The following PWWP2B variants were observed in gnomAD, a reference collection of about 807,000 sequenced individuals.
The protein encoded by PWWP2B is PWWP domain containing 2B.
Under a neutral mutation model 15.5 loss-of-function variants are expected in PWWP2B, and 9 were observed. That is an observed-to-expected ratio of 0.58 (90% CI 0.35 to 1.02). PWWP2B has a LOEUF of 1.02. Among genes scored for constraint, PWWP2B ranks in the 50% least tolerant of loss-of-function variants. The probability of loss-of-function intolerance (pLI) is 0.02; values close to 1 mark genes in which losing one functional copy is unlikely to be tolerated. For synonymous variants in PWWP2B, 474 were observed against 403.6 expected (o/e 1.17, Z -2.09); for missense variants, 864 against 865.3 (o/e 1.00, Z 0.02).
In PWWP2B at chr10:132,405,781, C is replaced by T. The variant is rs1439880608; in HGVS notation, c.1281C>T (p.Ser427=). 1 of 1,607,152 alleles carries T rather than the reference C, an allele frequency of 6.2e-7. No homozygotes were observed. Among genetic ancestry groups the T allele is most frequent in the South Asian group, 1.1e-5 (1 of 91,080 alleles). ...GTGAGTCGGCGTGCAGCAGCGACAG[C>T]CTGGACGAGGCCAGATCGTCCGGCT... ...CASESACSSD[S]LDEARSSGSE... is the part of the protein sequence containing the mutation. The change falls in exon 2 of 3, where the codon AGC becomes AGT. Residue 427 remains serine (S), a synonymous_variant. Coordinates refer to ENST00000305233, the MANE Select transcript of PWWP2B (RefSeq NM_138499.4).
chr10:132,404,522 G>C (rs990979150), intron 1 of PWWP2B, 104 bp from the exon 2 acceptor site: 2 of 989,966 alleles, frequency 2.0e-6, no homozygotes, highest in Non-Finnish European at 3.2e-6. Flanking sequence ...TCGCTGCCCA[G>C]ACCTGCCGGA....
chr10:132,415,524 C>T (rs2069837698), intron 2 of PWWP2B, among the ~76,000 whole-genome samples: 3 of 148,174 alleles, frequency 2.0e-5, no homozygotes, highest in Non-Finnish European at 4.4e-5. Context: ...CAGACATCCA[C>T]TGTCACACAC....
In PWWP2B at chr10:132,405,689, G is replaced by A. The variant is rs200615897; in HGVS notation, c.1189G>A (p.Gly397Ser). 2.2e-4 allele frequency: 356 copies of A among 1,612,170 alleles called. No individual in the cohort carries two copies. The highest frequency in any genetic ancestry group is 4.9e-4 in the Middle Eastern group (3 of 6,084). ...EDDDFKSCPQ[G>S]PQGREGLAFL... ...CGATGACTTCAAGAGCTGTCCCCAG[G>A]GTCCACAGGGACGCGAGGGCTTGGC... The change falls in exon 2 of 3, where the codon GGT becomes AGT. Residue 397 changes from glycine to serine, a missense_variant. This residue lies in a region of PWWP2B where 736 missense variants were observed against 687.7 expected (regional missense o/e 1.07). Transcript: ENST00000305233.
intron 2 of PWWP2B, among the ~76,000 whole-genome samples, chr10:132,407,926 G>C (rs1564876009): frequency 6.6e-6 from 1 of 152,342 alleles, no homozygotes; most frequent in African/African-American, 2.4e-5. Context: ...AGGCATTTGC[G>C]AGGCATGACA....
In PWWP2B at chr10:132,405,541, C is replaced by G. The variant is rs11146364; in HGVS notation, c.1041C>G (p.Pro347=). ...PHRLGDSEHE[P]VYRAELVGEL... is the part of the protein sequence containing the mutation. Reference sequence around the variant, plus strand: ...GTCTGGGGGACAGCGAGCACGAGCCCGTGTACCGGGCCGAGCTGGTGGGGG... The same window carrying G: ...GTCTGGGGGACAGCGAGCACGAGCCGGTGTACCGGGCCGAGCTGGTGGGGG... The change falls in exon 2 of 3, where the codon CCC becomes CCG. Residue 347 remains proline (P), a synonymous_variant. Coordinates refer to ENST00000305233, the MANE Select transcript of PWWP2B (RefSeq NM_138499.4). 1.2e-6 allele frequency: 2 copies of G among 1,604,546 alleles called. No individual in the cohort carries two copies. Among genetic ancestry groups the G allele is most frequent in the Admixed American group, 3.3e-5 (2 of 59,940 alleles).
chr10:132,417,390 C>T lies in PWWP2B; in HGVS notation c.*346C>T, dbSNP rs2069875460. The T allele has an allele frequency of 2.3e-6, 1 of 438,266 alleles. No individual in the cohort carries two copies. Among genetic ancestry groups the T allele is most frequent in the African/African-American group, 2.0e-5 (1 of 48,968 alleles). 27.1% of individuals were successfully genotyped at this position (438,266 alleles called of 1,614,324 possible). A position where few individuals can be genotyped will look rare whatever the true frequency, so the allele number is the denominator to read the frequency against. On this transcript the variant is annotated 3_prime_UTR_variant, in exon 3 of 3. Transcript: ENST00000305233. ...ACTGGGCCTGCCGCCCCGGCCTCAC[C>T]TGCTGCCCGCATGCTGGGGTCCCAT...
chr10:132,414,590 G>A (rs1401487367), intron 2 of PWWP2B, among the ~76,000 whole-genome samples: 1 of 152,222 alleles, frequency 6.6e-6, no homozygotes, highest in Non-Finnish European at 1.5e-5. Context: ...CATAGGTGGA[G>A]CTGCTGCGAT....
chr10:132,415,324 ACC>A (rs374918831), intron 2 of PWWP2B, among the ~76,000 whole-genome samples: 8,927 of 144,570 alleles, frequency 0.062, 479 homozygotes, highest in Admixed American at 0.17. Flanking sequence ...ATCCACACAC[ACC>A]CCCCCACACA....
intron 1 of PWWP2B, 49 bp downstream of exon 1, chr10:132,397,400 C>G (rs2069551730): frequency 2.6e-6 from 3 of 1,171,084 alleles, no homozygotes; most frequent in Non-Finnish European, 3.2e-6. Context: ...CACGCGACAC[C>G]CGCCTCCGCC....
chr10:132,415,777 G>T (rs2069845516), intron 2 of PWWP2B, among the ~76,000 whole-genome samples: 1 of 152,112 alleles, frequency 6.6e-6, no homozygotes, highest in Admixed American at 6.5e-5. Context: ...TCAAGACTTG[G>T]TGTTTATGTT....
chr10:132,415,831 G>T (rs1159841209), intron 2 of PWWP2B, among the ~76,000 whole-genome samples: 1 of 152,180 alleles, frequency 6.6e-6, no homozygotes, highest in East Asian at 1.9e-4. Context: ...GATGTTGCCG[G>T]CCCTTTCTTC....
chr10:132,415,655 ATGCACT>A (rs2069842020), intron 2 of PWWP2B, among the ~76,000 whole-genome samples: 1 of 146,818 alleles, frequency 6.8e-6, no homozygotes, highest in African/African-American at 2.6e-5. Flanking sequence ...TCACACACAC[ATGCACT>A]CACACACTCA....
intron 2 of PWWP2B, among the ~76,000 whole-genome samples, chr10:132,413,056 A>G (rs889804228): frequency 6.6e-6 from 1 of 152,208 alleles, no homozygotes; most frequent in Admixed American, 6.5e-5. Flanking sequence ...TTTCTGGCTC[A>G]GGCCTGAGGC....
chr10:132,399,436 G>A (rs933809980), intron 1 of PWWP2B, among the ~76,000 whole-genome samples: 6 of 152,390 alleles, frequency 3.9e-5, no homozygotes, highest in African/African-American at 1.4e-4. Flanking sequence ...CAGGGCTGAG[G>A]TGGGCCCAGC....
rs756548662 is a variant in PWWP2B at position 132,405,020 on chromosome 10, C to T, written c.520C>T (p.Arg174Cys). ...CCTCAGCACCATCCGCCTGCGGCCG[C>T]GCCAGGTGCTCTGTGAGAAGTGCAA... The part of the protein sequence containing the change: ...LILSTIRLRP[R>C]QVLCEKCKST... Residue 174 changes from arginine (R) to cysteine (C), a missense_variant, in exon 2 of 3, where the codon CGC (arginine) becomes TGC (cysteine). Physicochemically the swap from Arg to Cys is radical, Grantham distance 180. Coordinates refer to ENST00000305233, the MANE Select transcript of PWWP2B (RefSeq NM_138499.4). 5 of 1,533,336 alleles carry T rather than the reference C, an allele frequency of 3.3e-6. No individual in the cohort carries two copies. The highest frequency in any genetic ancestry group is 4.4e-6 in the Non-Finnish European group (5 of 1,144,820). 95.0% of individuals were successfully genotyped at this position (1,533,336 alleles called of 1,614,324 possible). A position where few individuals can be genotyped will look rare whatever the true frequency, so the allele number is the denominator to read the frequency against.
At chr10:132,404,035 G>A (rs2069647685) in intron 1 of PWWP2B, among the ~76,000 whole-genome samples, 1 of 65,396 alleles carries the variant, frequency 1.5e-5, no homozygotes, top group African/African-American at 5.0e-5. Context: ...GCATTCTCCA[G>A]GGCTCCTGCA....
In PWWP2B at chr10:132,405,770, A is replaced by C. The variant is rs767906093; in HGVS notation, c.1270A>C (p.Ser424Arg). 3.7e-6 allele frequency: 6 copies of C among 1,607,062 alleles called. No individual in the cohort carries two copies. In the African/African-American group the frequency reaches 6.7e-5, roughly 18 times the overall value. The change falls in exon 2 of 3, where the codon AGC becomes CGC. Residue 424 changes from serine to arginine, a missense_variant. Around this residue, in one of 2 missense-constraint regions of PWWP2B, gnomAD observed 736 missense variants for 687.7 expected, o/e 1.07. Transcript: ENST00000305233. ...GGACTGTGCCAGTGAGTCGGCGTGC[A>C]GCAGCGACAGCCTGGACGAGGCCAG... ...RADCASESAC[S>R]SDSLDEARSS...
At chr10:132,401,038 C>G (rs1451648870) in intron 1 of PWWP2B, among the ~76,000 whole-genome samples, 5 of 152,232 alleles carry the variant, frequency 3.3e-5, no homozygotes, top group African/African-American at 1.2e-4. Context: ...CCGGGCAGAC[C>G]TCAGGCCTGG....
Position 132,405,785 on chromosome 10 carries a change from G to A in PWWP2B, c.1285G>A (p.Asp429Asn). 6.2e-7 allele frequency: 1 copy of A among 1,607,190 alleles called. No individual in the cohort carries two copies. Among genetic ancestry groups the A allele is most frequent in the Non-Finnish European group, 8.5e-7 (1 of 1,179,776 alleles). The stretch of plus-strand genomic sequence containing the variant: ...GTCGGCGTGCAGCAGCGACAGCCTG[G>A]ACGAGGCCAGATCGTCCGGCTCGGA... ...SESACSSDSL[D>N]EARSSGSEGT... The change falls in exon 2 of 3, where the codon GAC becomes AAC. Residue 429 changes from aspartate to asparagine, a missense_variant. Around this residue, in one of 2 missense-constraint regions of PWWP2B, gnomAD observed 736 missense variants for 687.7 expected, o/e 1.07. Coordinates refer to ENST00000305233, the MANE Select transcript of PWWP2B (RefSeq NM_138499.4).
Sources: gnomAD v4.1 joint callset for allele counts (sites outside exome capture counted in the v4.1 genomes callset) on GRCh38, gnomAD v4.1.1 for gene constraint, gnomAD v4.1.1 regional missense constraint, MANE v1.5 for transcripts, NCBI Gene and HGNC (gene_info 2026-07-23, HGNC 2026-07-21) for gene names.